RAP1GAP2: variants seen among roughly 807,000 people sequenced by gnomAD.
RAP1GAP2 encodes the protein RAP1 GTPase activating protein 2.
In RAP1GAP2, 27 loss-of-function variants were observed where a neutral mutation model predicts 95.0. The ratio of observed to expected loss-of-function variants is 0.28; its 90% CI spans 0.21 to 0.39. The LOEUF is 0.39. RAP1GAP2 is among the 10% of genes least tolerant of loss of function. The pLI is 1.00. For missense variants in RAP1GAP2, 771 were observed against 970.0 expected, an observed-to-expected ratio of 0.79 and a Z score of 2.72; for synonymous variants, 373 against 380.9, an observed-to-expected ratio of 0.98 and a Z score of 0.24.
At chr17:2,836,508 T>A (rs1384182674) in intron 2 of RAP1GAP2, among the ~76,000 whole-genome samples, 1 of 152,118 alleles carries the variant, frequency 6.6e-6, no homozygotes, top group Non-Finnish European at 1.5e-5. Context: ...GGCGGGCAAC[T>A]GCAATCCCAG....
intron 1 of RAP1GAP2, among the ~76,000 whole-genome samples, chr17:2,781,607 G>GGTCTCTGTGTGGGCAC (rs2068650912): frequency 9.2e-6 from 1 of 108,916 alleles, no homozygotes; most frequent in African/African-American, 4.4e-5. Flanking sequence ...TGTGTGTGCA[G>GGTCTCTGTGTGGGCAC]GTCTCTGTGT....
chr17:2,786,570 TCTC>T (rs1201974857), intron 1 of RAP1GAP2, among the ~76,000 whole-genome samples: 2 of 152,074 alleles, frequency 1.3e-5, no homozygotes, highest in Non-Finnish European at 2.9e-5. Context: ...GGCTGTGTGT[TCTC>T]CTTTAGTGAG....
At position 2,855,932 on chromosome 17, in the gene RAP1GAP2, A is replaced by G. The variant is rs1050285980; in HGVS notation, c.81-49352A>G. 1.3e-5 allele frequency among the ~76,000 whole-genome samples: 2 copies of G among 152,216 alleles called. No individual in the cohort carries two copies. The highest frequency in any genetic ancestry group is 1.3e-4 in the Admixed American group (2 of 15,280). ...CCCGGCTGAAGTGAATCTATTTAAT[A>G]GAAATAGTAGTAATAATAATACAAG... On this transcript the variant is annotated intron_variant, in intron 2 of 24. Transcript: ENST00000254695. This position sits in a 1 kb window ranked among gnomAD's most constrained non-coding sequence, Gnocchi z 4.3.
At chr17:3,024,843 T>C (rs1221562651) in intron 19 of RAP1GAP2, among the ~76,000 whole-genome samples, 1 of 152,248 alleles carries the variant, frequency 6.6e-6, no homozygotes, top group African/African-American at 2.4e-5. Context: ...TTTACATGAA[T>C]GTCCAGAAGA....
At chr17:3,031,103 C>G in intron 23 of RAP1GAP2, 105 bp downstream of exon 23, 1 of 1,268,604 alleles carries the variant, frequency 7.9e-7, no homozygotes. Flanking sequence ...GGGGGCTCCC[C>G]GAAGGAGGCA....
intron 3 of RAP1GAP2, among the ~76,000 whole-genome samples, chr17:2,924,788 G>A (rs532608220): frequency 2.6e-5 from 4 of 152,240 alleles, no homozygotes; most frequent in South Asian, 2.1e-4. Flanking sequence ...ATCCTATTTC[G>A]TCTTGGAGCC....
chr17:2,902,126 A>T lies in RAP1GAP2; in HGVS notation c.81-3158A>T, dbSNP rs575002441. On this transcript the variant is annotated intron_variant, in intron 2 of 24. Coordinates refer to ENST00000254695, the MANE Select transcript of RAP1GAP2 (RefSeq NM_015085.5). The surrounding 1 kb of genome is among the most constrained non-coding windows in gnomAD (Gnocchi z 4.1). ...GCCTCTGGCGGGGTCGGCAAGCCTCAGCATGCGTTGGCTTGCAGCCGCATC... is the reference window on the plus strand; with the variant it reads ...GCCTCTGGCGGGGTCGGCAAGCCTCTGCATGCGTTGGCTTGCAGCCGCATC... 2.0e-5 allele frequency among the ~76,000 whole-genome samples: 3 copies of T among 152,244 alleles called. No individual in the cohort carries two copies. Among genetic ancestry groups the T allele is most frequent in the African/African-American group, 7.2e-5 (3 of 41,536 alleles).
intron 23 of RAP1GAP2, 149 bp downstream of exon 23, chr17:3,031,147 T>C: frequency 1.1e-6 from 1 of 872,694 alleles, no homozygotes; most frequent in African/African-American, 1.7e-5. Context: ...CTCCAGCAGG[T>C]GCAGGCCGTG....
intron 1 of RAP1GAP2, among the ~76,000 whole-genome samples, chr17:2,790,762 C>T (rs577292131): frequency 6.6e-6 from 1 of 152,320 alleles, no homozygotes; most frequent in East Asian, 1.9e-4. Context: ...CTGAGCTGCT[C>T]GAGCAGAGGA....
intron 3 of RAP1GAP2, among the ~76,000 whole-genome samples, chr17:2,918,009 C>T (rs1172406222): frequency 1.3e-5 from 2 of 152,120 alleles, no homozygotes; most frequent in Non-Finnish European, 2.9e-5. Flanking sequence ...AGCCACTGCA[C>T]CTGGCCAAAG....
At chr17:2,910,439 G>GGCTGGCCTCTCTCCGAGGGTC (rs1264154174) in intron 3 of RAP1GAP2, among the ~76,000 whole-genome samples, 6 of 152,220 alleles carry the variant, frequency 3.9e-5, no homozygotes, top group African/African-American at 1.4e-4. Flanking sequence ...CCTGGATGGA[G>GGCTGGCCTCTCTCCGAGGGTC]GCTGGCCTCT....
rs1012752200 is a variant in RAP1GAP2 at position 2,893,782 on chromosome 17, C to T, written c.81-11502C>T. ...CCCGGGAGGGGAACTGCTCTGTCGG[C>T]AGTTTCTGAGTGACGGAGTGCGTTT... On this transcript the variant is annotated intron_variant, in intron 2 of 24. Transcript: ENST00000254695. 4.0e-5 allele frequency among the ~76,000 whole-genome samples: 6 copies of T among 151,886 alleles called. No homozygotes were observed. The South Asian group carries it at 8.3e-4, about 21-fold the overall frequency.
chr17:2,986,667 C>G (rs967076045), intron 11 of RAP1GAP2, among the ~76,000 whole-genome samples: 11 of 151,978 alleles, frequency 7.2e-5, no homozygotes, highest in Non-Finnish European at 1.3e-4. Context: ...ATGAGCCTCA[C>G]CTAACTCTCG....
rs566884358 is a variant in RAP1GAP2 at position 2,771,486 on chromosome 17, G to GTTTTT, written c.167+1049_167+1053dup. On this transcript the variant is annotated intron_variant, in intron 2 of 25. Coordinates refer to the RAP1GAP2 transcript ENST00000637138. ...CTTTCCCCATCAAAGCCACTTTTTT[G>GTTTTT]TTTTTTTTTTTTGTTTTTTTTTTTT... 7.1e-4 allele frequency among the ~76,000 whole-genome samples: 88 copies of GTTTTT among 123,454 alleles called. 3 individuals carry two copies. Among genetic ancestry groups the GTTTTT allele is most frequent in the South Asian group, 1.0e-3 (4 of 3,858 alleles). 81.0% of individuals were successfully genotyped at this position (123,454 alleles called of 152,430 possible).
rs530333680 is a variant in RAP1GAP2, at chr17:2,891,722, T to C, written c.81-13562T>C. ...AAATTTTAGGTTGAAAATAATTTTC[T>C]TTGAGAATTTTGAGAGTTATAACAT... On this transcript the variant is annotated intron_variant, in intron 2 of 24. Transcript: ENST00000254695. 4.0e-5 allele frequency among the ~76,000 whole-genome samples: 6 copies of C among 151,732 alleles called. No individual in the cohort carries two copies. The South Asian group carries it at 1.2e-3, about 32-fold the overall frequency.
chr17:2,827,540 G>A lies in RAP1GAP2; in HGVS notation c.80+26990G>A, dbSNP rs1376761429. On this transcript the variant is annotated intron_variant, in intron 2 of 24. Transcript: ENST00000254695. This position sits in a 1 kb window ranked among gnomAD's most constrained non-coding sequence, Gnocchi z 4.1. ...GGGACATTTGAGGCCTGGCGCGGTGGCTCATGCCTGTAATCCCAGCACTTT... is the reference window on the plus strand; with the variant it reads ...GGGACATTTGAGGCCTGGCGCGGTGACTCATGCCTGTAATCCCAGCACTTT... Among the ~76,000 whole-genome samples, 3 of 152,164 alleles carry A rather than the reference G, an allele frequency of 2.0e-5. No individual in the cohort carries two copies. The highest frequency in any genetic ancestry group is 7.2e-5 in the African/African-American group (3 of 41,440).
At chr17:2,875,123 A>G (rs963091299) in intron 2 of RAP1GAP2, among the ~76,000 whole-genome samples, 10 of 152,110 alleles carry the variant, frequency 6.6e-5, no homozygotes, top group African/African-American at 2.4e-4. Flanking sequence ...CTAGAGTGCA[A>G]TGGTGCGATC....
intron 2 of RAP1GAP2, among the ~76,000 whole-genome samples, chr17:2,840,923 G>A (rs2071348005): frequency 6.6e-6 from 1 of 152,112 alleles, no homozygotes; most frequent in South Asian, 2.1e-4. Context: ...GCTTGAGCCC[G>A]GGAGGTGGAG....
chr17:2,847,055 T>C (rs150239581), intron 2 of RAP1GAP2, among the ~76,000 whole-genome samples: 3,717 of 152,154 alleles, frequency 0.024, 64 homozygotes, highest in Non-Finnish European at 0.039. Context: ...GTCGCCCAGG[T>C]TGGAGTGCAG....
Sources: allele counts gnomAD v4.1 joint callset (sites outside exome capture counted in the v4.1 genomes callset), GRCh38; gene constraint gnomAD v4.1.1; non-coding constraint Gnocchi (gnomAD v3.1); transcripts MANE v1.5; gene names NCBI Gene and HGNC (gene_info 2026-07-23, HGNC 2026-07-21).